The following RGS20 variants were observed in gnomAD, a reference collection of about 807,000 sequenced individuals.
The protein encoded by RGS20 is gz-selective GTPase-activating protein.
RGS20 carries 30 observed loss-of-function variants against 33.6 expected under a neutral mutation model. That is an observed-to-expected ratio of 0.89 (90% CI 0.67 to 1.21). The LOEUF (loss-of-function observed/expected upper bound fraction) is 1.21, where lower values mean the gene tolerates loss of function less well. Among genes scored for constraint, RGS20 ranks in the 50% most tolerant of loss-of-function variants. RGS20 has a pLI of 0.00. For synonymous variants in RGS20, 208 were observed against 197.9 expected (o/e 1.05, Z -0.43); for missense variants, 472 against 502.4 (o/e 0.94, Z 0.58).
intron 1 of RGS20, among the ~76,000 whole-genome samples, chr8:53,867,680 T>TTCCTTCCG (rs1811952725): frequency 6.6e-6 from 1 of 151,186 alleles, no homozygotes; most frequent in Non-Finnish European, 1.5e-5. Context: ...CCTTCCTTCC[T>TTCCTTCCG]TCCTTCCTTC....
intron 2 of RGS20, among the ~76,000 whole-genome samples, chr8:53,897,144 A>T (rs2129279441): frequency 6.6e-6 from 1 of 152,358 alleles, no homozygotes; most frequent in East Asian, 1.9e-4. Flanking sequence ...TCTTTTGTAC[A>T]TTTTTATCCT....
At chr8:53,867,817 G>A (rs1811957327) in intron 1 of RGS20, among the ~76,000 whole-genome samples, 1 of 151,942 alleles carries the variant, frequency 6.6e-6, no homozygotes, top group Non-Finnish European at 1.5e-5. Flanking sequence ...AAACCTCCTA[G>A]GCTCAGGTGA....
Position 53,879,347 on chromosome 8 carries a change from C to T in RGS20, c.255C>T (p.Phe85=), listed in dbSNP as rs1812284167. The T allele has an allele frequency of 4.3e-6, 7 of 1,612,256 alleles. No homozygotes were observed. The highest frequency in any genetic ancestry group is 5.9e-6 in the Non-Finnish European group (7 of 1,179,992). The change falls in exon 2 of 6, where the codon TTC becomes TTT. Residue 85 remains phenylalanine (F), a synonymous_variant. Transcript: ENST00000297313. ...GCCCGCTTTCCAGCCTCGCAAGGTT[C>T]TTCTCTCACCTTCTCCGGCGACCCC...
At chr8:53,854,837 A>G (rs1464808142) in intron 1 of RGS20, among the ~76,000 whole-genome samples, 2 of 152,230 alleles carry the variant, frequency 1.3e-5, no homozygotes, top group Admixed American at 1.3e-4. Flanking sequence ...CAGCTGCTTT[A>G]TTTGTAATAG....
intron 2 of RGS20, among the ~76,000 whole-genome samples, chr8:53,920,564 G>A (rs1813613285): frequency 6.6e-6 from 1 of 152,088 alleles, no homozygotes; most frequent in Non-Finnish European, 1.5e-5. Context: ...GAGTTCCAAT[G>A]TAGTATGAAT....
At chr8:53,860,691 C>T (rs187960980) in intron 1 of RGS20, among the ~76,000 whole-genome samples, 3 of 152,326 alleles carry the variant, frequency 2.0e-5, no homozygotes, top group East Asian at 1.9e-4. Flanking sequence ...CCCTGCTGAG[C>T]GCAGTGGGTC....
Position 53,868,885 on chromosome 8 carries a change from T to C in RGS20, c.166-10373T>C, listed in dbSNP as rs570837033. ...ATTCTGCCTCAGTCTCCCAAGTAGCTGGGATTACAGGTACGCACCACCACG... is the reference window on the plus strand; with the variant it reads ...ATTCTGCCTCAGTCTCCCAAGTAGCCGGGATTACAGGTACGCACCACCACG... On this transcript the variant is annotated intron_variant, in intron 1 of 5. Coordinates refer to ENST00000297313, the MANE Select transcript of RGS20 (RefSeq NM_170587.4). Among the ~76,000 whole-genome samples the C allele has an allele frequency of 2.3e-3, 347 of 152,206 alleles. 3 individuals are homozygous for C. Among genetic ancestry groups the C allele is most frequent in the African/African-American group, 7.9e-3 (327 of 41,536 alleles).
intron 2 of RGS20, among the ~76,000 whole-genome samples, chr8:53,893,237 G>C (rs1468393843): frequency 6.6e-6 from 1 of 151,986 alleles, no homozygotes; most frequent in Non-Finnish European, 1.5e-5. Flanking sequence ...CTCCATGAAT[G>C]ATTTAAATAT....
chr8:53,871,846 C>T (rs1184865606), intron 1 of RGS20, among the ~76,000 whole-genome samples: 1 of 152,112 alleles, frequency 6.6e-6, no homozygotes, highest in Non-Finnish European at 1.5e-5. Flanking sequence ...CCCTCTGTTT[C>T]CTGGTCTCTA....
At chr8:53,867,678 C>CCTTT (rs1811952559) in intron 1 of RGS20, among the ~76,000 whole-genome samples, 1 of 150,578 alleles carries the variant, frequency 6.6e-6, no homozygotes, top group East Asian at 1.9e-4. Flanking sequence ...TTCCTTCCTT[C>CCTTT]CTTCCTTCCT....
intron 1 of RGS20, among the ~76,000 whole-genome samples, chr8:53,874,339 G>A (rs958549349): frequency 1.3e-5 from 2 of 151,598 alleles, no homozygotes; most frequent in African/African-American, 4.9e-5. Context: ...ATTAGTCAAG[G>A]TTCCCCAGAG....
At chr8:53,884,834 C>G (rs376017131) in intron 2 of RGS20, among the ~76,000 whole-genome samples, 21 of 152,302 alleles carry the variant, frequency 1.4e-4, no homozygotes, top group African/African-American at 4.6e-4. Context: ...TTATCTTGGT[C>G]CCTCACATTA....
At chr8:53,956,838 C>T (rs540801578) in intron 5 of RGS20, among the ~76,000 whole-genome samples, 1 of 152,094 alleles carries the variant, frequency 6.6e-6, no homozygotes, top group South Asian at 2.1e-4. Context: ...TTTCATCAAT[C>T]TTTTAAAGTA....
chr8:53,957,059 A>G (rs1814888908), intron 5 of RGS20, among the ~76,000 whole-genome samples: 1 of 152,198 alleles, frequency 6.6e-6, no homozygotes, highest in Non-Finnish European at 1.5e-5. Context: ...CTTCAGGGGA[A>G]GAGCTCACTA....
At chr8:53,924,545 A>T (rs1813741769) in intron 2 of RGS20, among the ~76,000 whole-genome samples, 1 of 151,966 alleles carries the variant, frequency 6.6e-6, no homozygotes, top group African/African-American at 2.4e-5. Context: ...GCTGGTCTTA[A>T]ACTCCTGGCC....
intron 2 of RGS20, among the ~76,000 whole-genome samples, chr8:53,936,968 A>G (rs1182193980): frequency 6.6e-6 from 1 of 152,224 alleles, no homozygotes; most frequent in African/African-American, 2.4e-5. Flanking sequence ...GATCTTTGAC[A>G]AACCTGACAA....
intron 2 of RGS20, among the ~76,000 whole-genome samples, chr8:53,894,732 T>C (rs561087758): frequency 6.6e-6 from 1 of 152,290 alleles, no homozygotes; most frequent in South Asian, 2.1e-4. Context: ...TTAGGCAACC[T>C]CCCTGAAGCT....
At position 53,851,960 on chromosome 8, in the gene RGS20, A is replaced by G. The variant is rs1228952290; in HGVS notation, c.61A>G (p.Ile21Val). The G allele has an allele frequency of 5.0e-6, 8 of 1,614,078 alleles. No homozygotes were observed. In the East Asian group the frequency reaches 6.7e-5, roughly 13 times the overall value. ...CCAGAAACATTTCTCCAGGCCGTCT[A>G]TATGGACACAGTTTCTGCCCCTGTT... Residue 21 changes from isoleucine to valine, a missense_variant, in exon 1 of 6, where the codon ATA (isoleucine) becomes GTA (valine). Around this residue, in one of 3 missense-constraint regions of RGS20, gnomAD observed 28 missense variants for 49.6 expected, o/e 0.57. Transcript: ENST00000297313.
In RGS20 at chr8:53,877,799, A is replaced by G. The variant is rs565231791; in HGVS notation, c.166-1459A>G. Among the ~76,000 whole-genome samples the G allele has an allele frequency of 6.2e-4, 94 of 152,360 alleles. No homozygotes were observed. In the South Asian group the frequency reaches 0.016, roughly 26 times the overall value. On this transcript the variant is annotated intron_variant, in intron 1 of 5. Transcript: ENST00000297313. This position sits in a 1 kb window ranked among gnomAD's most constrained non-coding sequence, Gnocchi z 5.7. The stretch of plus-strand genomic sequence containing the variant: ...CCAGGAGCAAACAAACGACAGCAAG[A>G]CAAATCAGCCACCGCACTCGCGGCT...
Sources: allele counts gnomAD v4.1 joint callset (sites outside exome capture counted in the v4.1 genomes callset), GRCh38; gene constraint gnomAD v4.1.1; regional missense constraint gnomAD v4.1.1; non-coding constraint Gnocchi (gnomAD v3.1); transcripts MANE v1.5; gene names NCBI Gene and HGNC (gene_info 2026-07-23, HGNC 2026-07-21).